Variants in MOB1A observed in about 807,000 individuals in gnomAD.
The protein encoded by MOB1A is MOB1 Mps One Binder homolog A.
In MOB1A, 10 loss-of-function variants were observed where a neutral mutation model predicts 25.1. The ratio of observed to expected loss-of-function variants is 0.40; its 90% confidence interval spans 0.25 to 0.68. The LOEUF is 0.68. MOB1A is among the 30% of genes least tolerant of loss of function. The probability of loss-of-function intolerance (pLI) is 0.40; values close to 1 mark genes in which losing one functional copy is unlikely to be tolerated. For missense variants in MOB1A, 177 were observed against 256.3 expected (o/e 0.69, Z 2.11); for synonymous variants, 81 against 79.5 (o/e 1.02, Z -0.10).
chr2:74,176,763 C>CAT (rs1693484906), intron 1 of MOB1A, among the ~76,000 whole-genome samples: 1 of 88,910 alleles, frequency 1.1e-5, no homozygotes, highest in Non-Finnish European at 2.5e-5. Flanking sequence ...GACTCTGTCT[C>CAT]AAAAAAAAAA....
In MOB1A at chr2:74,178,839, C is replaced by CGCCCGCCTT. The variant is rs1375134616; in HGVS notation, c.-174_-166dup. The CGCCCGCCTT allele has an allele frequency of 1.1e-3, 465 of 415,778 alleles. 1 individual carries two copies. The highest frequency in any genetic ancestry group is 1.5e-3 in the Non-Finnish European group (358 of 243,896). The allele number at this position is 415,778 out of a possible 1,614,324, so 25.8% of individuals were successfully genotyped here. A position where few individuals can be genotyped will look rare whatever the true frequency, so the allele number is the denominator to read the frequency against. ...CGCTGCGAGCCTTTGCAAACCTCGGCGCCCGCCTTGCCCGCCTACCCCACC... is the reference window on the plus strand; with the variant it reads ...CGCTGCGAGCCTTTGCAAACCTCGGCGCCCGCCTTGCCCGCCTTGCCCGCCTACCCCACC... On this transcript the variant is annotated 5_prime_UTR_variant, in exon 1 of 6. Transcript: ENST00000396049.
At chr2:74,168,376 T>C (rs1016856912) in intron 2 of MOB1A, among the ~76,000 whole-genome samples, 1 of 152,192 alleles carries the variant, frequency 6.6e-6, no homozygotes, top group African/African-American at 2.4e-5. Context: ...TTTCAAAAAA[T>C]GTTTTAGGCT....
chr2:74,165,336 C>A lies in MOB1A; in HGVS notation c.291G>T (p.Trp97Cys). 1 of 1,550,356 alleles carries A rather than the reference C, an allele frequency of 6.5e-7. No homozygotes were observed. Among genetic ancestry groups the A allele is most frequent in the Non-Finnish European group, 8.7e-7 (1 of 1,149,986 alleles). ...GCTTTTTAATATTAGTACCATCTGC[C>A]CAGTGATATTCATATCTGAAGAGAA... The part of the protein sequence containing the change: ...MSAGPRYEYH[W>C]ADGTNIKKPI... The change falls in exon 4 of 6, where the codon TGG (tryptophan) becomes TGT (cysteine). Residue 97 changes from tryptophan (W) to cysteine (C), a missense_variant. By Grantham distance (215) the Trp-to-Cys change is radical. Coordinates refer to ENST00000396049, the MANE Select transcript of MOB1A (RefSeq NM_018221.5).
rs368584784 is a variant in MOB1A at position 74,168,336 on chromosome 2, T to C, written c.182-1229A>G. 9.2e-5 allele frequency among the ~76,000 whole-genome samples: 14 copies of C among 152,310 alleles called. No individual in the cohort carries two copies. In the East Asian group the frequency reaches 2.1e-3, roughly 23 times the overall value. ...AACTTTACTGAGTGAGTATACTCTATGCAAAGAGAACCACATAAGCCTTGG... is the reference window on the plus strand; with the variant it reads ...AACTTTACTGAGTGAGTATACTCTACGCAAAGAGAACCACATAAGCCTTGG... On this transcript the variant is annotated intron_variant, in intron 2 of 5. Transcript: ENST00000396049.
intron 1 of MOB1A, among the ~76,000 whole-genome samples, 196 bp downstream of exon 1, chr2:74,178,465 C>T (rs1036932287): frequency 1.3e-5 from 2 of 152,200 alleles, no homozygotes; most frequent in African/African-American, 2.4e-5. Flanking sequence ...GCTCCGTTTC[C>T]TTTACTTCGA....
intron 1 of MOB1A, among the ~76,000 whole-genome samples, chr2:74,174,692 T>C (rs1030579643): frequency 1.3e-5 from 2 of 152,204 alleles, no homozygotes; most frequent in Non-Finnish European, 2.9e-5. Context: ...AGATTTCAAA[T>C]AGTATCAATT....
intron 5 of MOB1A, 107 bp from the exon 6 acceptor site, chr2:74,156,752 A>T: frequency 1.4e-6 from 1 of 736,840 alleles, no homozygotes; most frequent in East Asian, 2.7e-5. Context: ...AGTCCAAAAG[A>T]ATGATGAAAT....
Position 74,159,216 on chromosome 2 carries a change from T to C in MOB1A, c.448A>G (p.Thr150Ala). 6.2e-7 allele frequency: 1 copy of C among 1,613,770 alleles called. No individual in the cohort carries two copies. The highest frequency in any genetic ancestry group is 8.5e-7 in the Non-Finnish European group (1 of 1,179,834). ...FPKNFMSVAK[T>A]ILKRLFRVYA... is the part of the protein sequence containing the mutation. ...ACCCTGAACAGACGCTTTAGAATAG[T>C]CTTTGCCACAGACATAAAGTTTTTG... Residue 150 changes from threonine (T) to alanine (A), a missense_variant, in exon 5 of 6, where the codon ACT becomes GCT. Coordinates refer to ENST00000396049, the MANE Select transcript of MOB1A (RefSeq NM_018221.5).
At chr2:74,167,968 C>G (rs1398460821) in intron 2 of MOB1A, among the ~76,000 whole-genome samples, 1 of 152,098 alleles carries the variant, frequency 6.6e-6, no homozygotes, top group Non-Finnish European at 1.5e-5. Context: ...GAGATTCCAT[C>G]TCTACAAAAA....
At chr2:74,157,692 T>G (rs1471726717) in intron 5 of MOB1A, among the ~76,000 whole-genome samples, 1 of 152,142 alleles carries the variant, frequency 6.6e-6, no homozygotes. Flanking sequence ...TTGCTTGGTG[T>G]GTGAGGGACA....
chr2:74,162,760 G>A (rs1301760653), intron 4 of MOB1A, among the ~76,000 whole-genome samples: 1 of 152,062 alleles, frequency 6.6e-6, no homozygotes, highest in Non-Finnish European at 1.5e-5. Flanking sequence ...CTATAAGACT[G>A]CAAAAAGGAA....
At chr2:74,176,160 C>T (rs1693453328) in intron 1 of MOB1A, among the ~76,000 whole-genome samples, 1 of 148,566 alleles carries the variant, frequency 6.7e-6, no homozygotes, top group South Asian at 2.1e-4. Flanking sequence ...CCTGTAATCC[C>T]AGCTACTTGG....
At position 74,153,728 on chromosome 2, in the gene MOB1A, A is replaced by G. The variant is rs1300126497; in HGVS notation, c.*2840T>C. 1 of 152,218 alleles carries G rather than the reference A, an allele frequency of 6.6e-6. No homozygotes were observed. The highest frequency in any genetic ancestry group is 1.5e-5 in the Non-Finnish European group (1 of 68,058). The allele number at this position is 152,218 out of a possible 1,614,324, so 9.4% of individuals were successfully genotyped here. A position where few individuals can be genotyped will look rare whatever the true frequency, so the allele number is the denominator to read the frequency against. Reference sequence around the variant, plus strand: ...TAATTTAGCAAGCACTCTCTACCCCATGACTGTAATCATGTATGAAGAGCA... The same window carrying G: ...TAATTTAGCAAGCACTCTCTACCCCGTGACTGTAATCATGTATGAAGAGCA... On this transcript the variant is annotated 3_prime_UTR_variant, in exon 6 of 6. Transcript: ENST00000396049.
chr2:74,161,644 G>A (rs1186888541), intron 4 of MOB1A, among the ~76,000 whole-genome samples: 2 of 146,002 alleles, frequency 1.4e-5, no homozygotes, highest in African/African-American at 2.6e-5. Flanking sequence ...GTGAGACTCC[G>A]CCTCAAAAAA....
At position 74,153,811 on chromosome 2, in the gene MOB1A, T is replaced by C. The variant is rs542487603; in HGVS notation, c.*2757A>G. ...TTAGCAAGGGGGAAGGGAGTGAGTG[T>C]TATGGAACAGGCAAACCTTGGGCAT... On this transcript the variant is annotated 3_prime_UTR_variant, in exon 6 of 6. Coordinates refer to ENST00000396049, the MANE Select transcript of MOB1A (RefSeq NM_018221.5). 6.6e-6 allele frequency: 1 copy of C among 152,250 alleles called. No individual in the cohort carries two copies. The allele number at this position is 152,250 out of a possible 1,614,324, so 9.4% of individuals were successfully genotyped here. A position where few individuals can be genotyped will look rare whatever the true frequency, so the allele number is the denominator to read the frequency against.
chr2:74,156,956 A>G (rs1692823261), intron 5 of MOB1A, among the ~76,000 whole-genome samples: 1 of 151,746 alleles, frequency 6.6e-6, no homozygotes, highest in Non-Finnish European at 1.5e-5. Flanking sequence ...CTTTTTAAAA[A>G]TATAGGTATG....
At chr2:74,173,995 G>A (rs74616085) in intron 1 of MOB1A, among the ~76,000 whole-genome samples, 23,451 of 146,354 alleles carry the variant, frequency 0.16, 2,248 homozygotes, top group East Asian at 0.37. Flanking sequence ...ATGGCTAGGT[G>A]CGGTGGCTCA....
intron 5 of MOB1A, among the ~76,000 whole-genome samples, chr2:74,158,283 AGAAG>A (rs1558830466): frequency 6.6e-6 from 1 of 151,750 alleles, no homozygotes; most frequent in South Asian, 2.1e-4. Context: ...CAACAATCTG[AGAAG>A]GAAGATCAGG....
At chr2:74,174,756 C>T (rs1679686586) in intron 1 of MOB1A, among the ~76,000 whole-genome samples, 1 of 152,112 alleles carries the variant, frequency 6.6e-6, no homozygotes, top group Admixed American at 6.5e-5. Flanking sequence ...GTACTTGTAA[C>T]ATATATTACA....
Sources: gnomAD v4.1 joint callset for allele counts (sites outside exome capture counted in the v4.1 genomes callset) on GRCh38, gnomAD v4.1.1 for gene constraint, MANE v1.5 for transcripts, NCBI Gene and HGNC (gene_info 2026-07-23, HGNC 2026-07-21) for gene names.